ARK2C: variants seen among roughly 807,000 people sequenced by gnomAD.
The protein encoded by ARK2C is E3 ubiquitin-protein ligase ARK2C.
the ARK2C span, among the ~76,000 whole-genome samples, chr18:46,371,278 C>T: frequency 2.0e-5 from 3 of 152,132 alleles, no homozygotes; most frequent in African/African-American, 7.2e-5. Context: ...CAGCCAAACC[C>T]TATCAGGAGG....
chr18:46,381,500 T>C, the ARK2C span, among the ~76,000 whole-genome samples: 1 of 152,144 alleles, frequency 6.6e-6, no homozygotes, highest in Non-Finnish European at 1.5e-5. Flanking sequence ...GGTCCTTCTA[T>C]TTCCAGAGAA....
At chr18:46,363,945 C>CTTTTTTTTTTTT in the ARK2C span, among the ~76,000 whole-genome samples, 4 of 125,588 alleles carry the variant, frequency 3.2e-5, no homozygotes, top group East Asian at 2.3e-4. Flanking sequence ...TTTTTCTTTT[C>CTTTTTTTTTTTT]TTTTTTTTTT....
the ARK2C span, among the ~76,000 whole-genome samples, chr18:46,391,439 G>C: frequency 6.6e-6 from 1 of 152,134 alleles, no homozygotes; most frequent in African/African-American, 2.4e-5. Flanking sequence ...TCAAGGGAAA[G>C]GACACTACGG....
chr18:46,388,744 G>C, the ARK2C span, among the ~76,000 whole-genome samples: 1 of 152,180 alleles, frequency 6.6e-6, no homozygotes, highest in African/African-American at 2.4e-5. Flanking sequence ...CAGAAGGTGG[G>C]CTCAGGATAA....
At chr18:46,397,949 G>A in the ARK2C span, among the ~76,000 whole-genome samples, 5 of 148,014 alleles carry the variant, frequency 3.4e-5, no homozygotes, top group East Asian at 1.0e-3. Flanking sequence ...GCGAGGGTGT[G>A]TGTGCATGTG....
At chr18:46,366,501 C>T in the ARK2C span, among the ~76,000 whole-genome samples, 2 of 152,080 alleles carry the variant, frequency 1.3e-5, no homozygotes, top group African/African-American at 2.4e-5. Context: ...GAGGCCCAGA[C>T]AATTTGGTGA....
At chr18:46,388,589 C>T in the ARK2C span, among the ~76,000 whole-genome samples, 5 of 152,104 alleles carry the variant, frequency 3.3e-5, no homozygotes, top group Admixed American at 6.6e-5. Context: ...AACCAAGCTG[C>T]CCTCAATTGG....
the ARK2C span, among the ~76,000 whole-genome samples, chr18:46,413,010 C>T: frequency 5.3e-5 from 8 of 152,238 alleles, no homozygotes; most frequent in African/African-American, 1.9e-4. Flanking sequence ...GCCCCCTCTC[C>T]GAGAAGCTGG....
chr18:46,341,446 G>A, the ARK2C span, among the ~76,000 whole-genome samples: 1 of 152,086 alleles, frequency 6.6e-6, no homozygotes, highest in Non-Finnish European at 1.5e-5. Context: ...TCTTTGGGGT[G>A]CTTTGGAGAG....
At chr18:46,376,112 G>A in the ARK2C span, among the ~76,000 whole-genome samples, 2 of 152,214 alleles carry the variant, frequency 1.3e-5, no homozygotes, top group African/African-American at 2.4e-5. Context: ...CCTCACCTGT[G>A]GCAGAGGGGC....
chr18:46,414,848 A>T, the ARK2C span, among the ~76,000 whole-genome samples: 1 of 152,078 alleles, frequency 6.6e-6, no homozygotes, highest in African/African-American at 2.4e-5. Flanking sequence ...GAGCCATTTC[A>T]CCCCTAGGAA....
chr18:46,404,275 G>A, the ARK2C span, among the ~76,000 whole-genome samples: 1 of 152,192 alleles, frequency 6.6e-6, no homozygotes, highest in Non-Finnish European at 1.5e-5. Flanking sequence ...TAGGTGGTAT[G>A]AGTATGCTGG....
At chr18:46,461,796 T>C in the ARK2C span, 1 of 152,230 alleles carries the variant, frequency 6.6e-6, no homozygotes, top group East Asian at 1.9e-4. Context: ...TCCTATAATA[T>C]GTGGCATCCT....
the ARK2C span, among the ~76,000 whole-genome samples, chr18:46,373,310 A>G: frequency 6.6e-6 from 1 of 152,222 alleles, no homozygotes; most frequent in Non-Finnish European, 1.5e-5. Flanking sequence ...GAGCTTGCCC[A>G]GTGCTTTCTA....
the ARK2C span, among the ~76,000 whole-genome samples, chr18:46,390,195 C>A: frequency 6.6e-6 from 1 of 152,224 alleles, no homozygotes; most frequent in Non-Finnish European, 1.5e-5. Context: ...GGGAACTGGG[C>A]CGATTCCTGC....
At chr18:46,431,253 T>C in the ARK2C span, among the ~76,000 whole-genome samples, 1 of 152,204 alleles carries the variant, frequency 6.6e-6, no homozygotes, top group African/African-American at 2.4e-5. Flanking sequence ...ATTTGGTAGG[T>C]TCTCTTTCTC....
the ARK2C span, among the ~76,000 whole-genome samples, chr18:46,346,493 G>A: frequency 0.011 from 1,626 of 152,254 alleles, 23 homozygotes; most frequent in African/African-American, 0.037. Flanking sequence ...GACTTCTTGG[G>A]GGCCGAGGGG....
the ARK2C span, among the ~76,000 whole-genome samples, chr18:46,440,544 G>T: frequency 6.6e-6 from 1 of 152,114 alleles, no homozygotes; most frequent in African/African-American, 2.4e-5. Flanking sequence ...ACAAATCCAG[G>T]CATCATATTA....
At chr18:46,433,253 C>G in the ARK2C span, 1 of 1,609,022 alleles carries the variant, frequency 6.2e-7, no homozygotes, top group East Asian at 2.2e-5. Flanking sequence ...CACCTGGGCC[C>G]CCCGCAGCCG....
Sources: allele counts gnomAD v4.1 joint callset (sites outside exome capture counted in the v4.1 genomes callset), GRCh38; gene constraint gnomAD v4.1.1; transcripts MANE v1.5; gene names NCBI Gene and HGNC (gene_info 2026-07-23, HGNC 2026-07-21).